FAT1: variants seen among roughly 807,000 people sequenced by gnomAD.
The protein encoded by FAT1 is protocadherin Fat 1.
FAT1 carries 171 observed loss-of-function variants against 329.8 expected under a neutral mutation model. The ratio of observed to expected loss-of-function variants is 0.52; its 90% CI spans 0.46 to 0.59. The LOEUF (loss-of-function observed/expected upper bound fraction) is 0.59, where lower values mean the gene tolerates loss of function less well. Ranked by LOEUF, FAT1 falls within the 20% of genes least tolerant of loss-of-function variation. The pLI is 0.00. For synonymous variants in FAT1, 2,233 were observed against 2,228.6 expected (o/e 1.00, Z -0.06); for missense variants, 5,672 against 5,774.4 (o/e 0.98, Z 0.57).
In FAT1 at chr4:186,611,675, G is replaced by A. The variant is rs1396208888; in HGVS notation, c.9564C>T (p.Asp3188=). ...GGGTGTATACTGCCTGGAGTTCTCT[G>A]TCCAAAGGTTTTTCTAACTGAATAA... ...SGIIQLEKPL[D]RELQAVYTLS... is the part of the protein sequence containing the mutation. The change falls in exon 14 of 27, where the codon GAC becomes GAT. Residue 3188 remains aspartate (D), a synonymous_variant. Coordinates refer to ENST00000441802, the MANE Select transcript of FAT1 (RefSeq NM_005245.4). 6.2e-7 allele frequency: 1 copy of A among 1,610,428 alleles called. No individual in the cohort carries two copies. The highest frequency in any genetic ancestry group is 8.5e-7 in the Non-Finnish European group (1 of 1,178,040).
chr4:186,601,235 T>C (rs376531013), intron 21 of FAT1, 34 bp downstream of exon 21: 2 of 1,512,008 alleles, frequency 1.3e-6, no homozygotes, highest in South Asian at 1.3e-5. Context: ...TTTGAAAGTC[T>C]TCCACTAAGA....
chr4:186,645,372 T>C (rs1441697672), intron 3 of FAT1, among the ~76,000 whole-genome samples: 198 of 4,394 alleles, frequency 0.045, 12 homozygotes, highest in African/African-American at 0.19. Flanking sequence ...ATTACATATA[T>C]ATATATATAT....
At chr4:186,712,896 G>C (rs1461750729) in intron 1 of FAT1, among the ~76,000 whole-genome samples, 2 of 100,780 alleles carry the variant, frequency 2.0e-5, no homozygotes, top group African/African-American at 4.9e-5. Context: ...AGGGAAGCCA[G>C]AAAGAGACCA....
At chr4:186,592,126 G>A (rs1738268396) in intron 26 of FAT1, among the ~76,000 whole-genome samples, 1 of 152,144 alleles carries the variant, frequency 6.6e-6, no homozygotes. Flanking sequence ...ATGAATTTCA[G>A]TGCACTAATA....
At position 186,618,143 on chromosome 4, in the gene FAT1, CATA is replaced by C. The variant is rs1739811798; in HGVS notation, c.8440_8442del (p.Tyr2814del). 1 of 1,613,998 alleles carries C rather than the reference CATA, an allele frequency of 6.2e-7. No homozygotes were observed. The highest frequency in any genetic ancestry group is 8.5e-7 in the Non-Finnish European group (1 of 1,179,892). ...GGCAGGTTTTCAACAATGAATGCCT[CATA>C]TGGACTAGATTCAAAGACCGGGCTG... On this transcript the variant is annotated inframe_deletion, in exon 10 of 27. Coordinates refer to ENST00000441802, the MANE Select transcript of FAT1 (RefSeq NM_005245.4).
chr4:186,714,805 C>T (rs929328390), intron 1 of FAT1, among the ~76,000 whole-genome samples: 1 of 152,162 alleles, frequency 6.6e-6, no homozygotes, highest in African/African-American at 2.4e-5. Context: ...TCCAGCTGGG[C>T]GCGGTGGCTC....
In FAT1 at chr4:186,708,422, T is replaced by G. The variant is rs187074121; in HGVS notation, c.1406A>C (p.Lys469Thr). 6.2e-6 allele frequency: 10 copies of G among 1,614,020 alleles called. No homozygotes were observed. In the Admixed American group the frequency reaches 1.7e-4, roughly 27 times the overall value. Residue 469 changes from lysine to threonine, a missense_variant, in exon 2 of 27, where the codon AAA becomes ACA. Around this residue, in one of 2 missense-constraint regions of FAT1, gnomAD observed 3,966 missense variants for 3,915.2 expected, o/e 1.01. Coordinates refer to ENST00000441802, the MANE Select transcript of FAT1 (RefSeq NM_005245.4). ...GGGCACGTTCTCATCAAAAGCAGCT[T>G]TGTACGCTGTCTGGGTAAATTCAGG... ...NPPEFTQTAY[K>T]AAFDENVPIG... is the part of the protein sequence containing the mutation.
Position 186,606,068 on chromosome 4 carries a change from A to G in FAT1, c.10350+2T>C. The G allele has an allele frequency of 1.2e-6, 2 of 1,612,760 alleles. No homozygotes were observed. Among genetic ancestry groups the G allele is most frequent in the Non-Finnish European group, 8.5e-7 (1 of 1,179,676 alleles). On this transcript the variant is annotated splice_donor_variant, in intron 17 of 26. Coordinates refer to ENST00000441802, the MANE Select transcript of FAT1 (RefSeq NM_005245.4). LOFTEE classifies it high-confidence loss of function. ...AGGACCACCTTGGCACTCGAAGCCCACCTGGATAATGACACTGTAGTTTCC... is the reference window on the plus strand; with the variant it reads ...AGGACCACCTTGGCACTCGAAGCCCGCCTGGATAATGACACTGTAGTTTCC...
At chr4:186,639,451 CCT>C (rs1339303234) in intron 4 of FAT1, among the ~76,000 whole-genome samples, 16 of 152,138 alleles carry the variant, frequency 1.1e-4, no homozygotes, top group South Asian at 2.1e-4. Context: ...CTGTTCGCCC[CCT>C]GTGTGTGCGC....
intron 2 of FAT1, among the ~76,000 whole-genome samples, chr4:186,674,781 C>A (rs1742876935): frequency 6.6e-6 from 1 of 152,176 alleles, no homozygotes; most frequent in South Asian, 2.1e-4. Context: ...CACCTGTAAT[C>A]CCAACACTTT....
At chr4:186,653,066 A>C (rs960470529) in intron 3 of FAT1, among the ~76,000 whole-genome samples, 1 of 152,230 alleles carries the variant, frequency 6.6e-6, no homozygotes, top group Non-Finnish European at 1.5e-5. Flanking sequence ...TCCTCTAAAA[A>C]GCATATGAAA....
intron 2 of FAT1, among the ~76,000 whole-genome samples, chr4:186,676,816 G>C (rs1033106985): frequency 6.6e-6 from 1 of 152,126 alleles, no homozygotes; most frequent in African/African-American, 2.4e-5. Context: ...TGTTTCTAAG[G>C]TTTGTTTAGG....
At chr4:186,673,606 C>A (rs1031646198) in intron 2 of FAT1, among the ~76,000 whole-genome samples, 1 of 152,196 alleles carries the variant, frequency 6.6e-6, no homozygotes, top group Non-Finnish European at 1.5e-5. Flanking sequence ...CTATTTAAAT[C>A]ATTTTAATTA....
chr4:186,639,320 A>T (rs1224340738), intron 4 of FAT1, among the ~76,000 whole-genome samples: 1 of 152,232 alleles, frequency 6.6e-6, no homozygotes, highest in Non-Finnish European at 1.5e-5. Context: ...GTTGAAACAG[A>T]TCTATAAATA....
At chr4:186,634,841 C>T (rs1740756421) in intron 6 of FAT1, among the ~76,000 whole-genome samples, 1 of 152,180 alleles carries the variant, frequency 6.6e-6, no homozygotes, top group Admixed American at 6.5e-5. Flanking sequence ...GCATGGAAAG[C>T]AAGCACAGAA....
At position 186,589,097 on chromosome 4, in the gene FAT1, T is replaced by C. The variant is rs771626683; in HGVS notation, c.13262A>G (p.Asp4421Gly). ...PLYSADPNAI[D>G]TDYYPGGYDI... is the part of the protein sequence containing the mutation. ...GTAGCCTCCAGGGTAATAGTCCGTATCGATGGCGTTTGGATCTGCTGAGTA... is the reference window on the plus strand; with the variant it reads ...GTAGCCTCCAGGGTAATAGTCCGTACCGATGGCGTTTGGATCTGCTGAGTA... The change falls in exon 27 of 27, where the codon GAT (aspartate) becomes GGT (glycine). Residue 4421 changes from aspartate to glycine, a missense_variant. Physicochemically the swap from Asp to Gly is moderately conservative, Grantham distance 94 (BLOSUM62 -1). This residue lies in a region of FAT1 where 1,706 missense variants were observed against 1,859.1 expected (regional missense o/e 0.92). Coordinates refer to ENST00000441802, the MANE Select transcript of FAT1 (RefSeq NM_005245.4). 6.2e-6 allele frequency: 10 copies of C among 1,613,920 alleles called. No homozygotes were observed. The highest frequency in any genetic ancestry group is 8.5e-6 in the Non-Finnish European group (10 of 1,179,870).
chr4:186,593,907 A>G (rs1738364597), intron 26 of FAT1, among the ~76,000 whole-genome samples: 1 of 152,320 alleles, frequency 6.6e-6, no homozygotes, highest in East Asian at 1.9e-4. Context: ...AATACGACGC[A>G]GGAACAGACT....
At chr4:186,644,236 G>A (rs1055237843) in intron 3 of FAT1, among the ~76,000 whole-genome samples, 2 of 151,972 alleles carry the variant, frequency 1.3e-5, no homozygotes, top group South Asian at 2.1e-4. Flanking sequence ...AAACTGTAAC[G>A]AAAAAACCAG....
chr4:186,669,184 C>A (rs889834893), intron 2 of FAT1, among the ~76,000 whole-genome samples: 1 of 152,176 alleles, frequency 6.6e-6, no homozygotes, highest in African/African-American at 2.4e-5. Context: ...ACACAGCATG[C>A]GGCCAGAAGG....
Sources: gnomAD v4.1 joint callset for allele counts (sites outside exome capture counted in the v4.1 genomes callset) on GRCh38, gnomAD v4.1.1 for gene constraint, gnomAD v4.1.1 regional missense constraint, MANE v1.5 for transcripts, NCBI Gene and HGNC (gene_info 2026-07-23, HGNC 2026-07-21) for gene names.